The following PCDHGB4 variants were observed in gnomAD, a reference collection of about 807,000 sequenced individuals.
PCDHGB4 encodes protocadherin gamma subfamily B, 4, also known as protocadherin gamma-B4.
PCDHGB4 carries 38 observed loss-of-function variants against 60.5 expected under a neutral mutation model. The ratio of observed to expected loss-of-function variants is 0.63; its 90% CI spans 0.48 to 0.82. The LOEUF is 0.82. Among genes scored for constraint, PCDHGB4 ranks in the 40% least tolerant of loss-of-function variants. PCDHGB4 has a pLI of 0.00. For missense variants in PCDHGB4, 1,109 were observed against 1,209.6 expected (o/e 0.92, Z 1.23); for synonymous variants, 456 against 509.7 (o/e 0.89, Z 1.42).
In PCDHGB4 at chr5:141,431,155, C is replaced by T; in HGVS notation, c.2397+40874C>T. On this transcript the variant is annotated intron_variant, in intron 1 of 3. Transcript: ENST00000519479. This position sits in a 1 kb window ranked among gnomAD's most constrained non-coding sequence, Gnocchi z 4.8. ...GGGACATTAACGACAATGCGCCTTA[C>T]TTTCGTGAAAGTGAATTAGAAATAA... is the stretch of plus-strand genomic sequence containing the variant. 6.2e-7 allele frequency: 1 copy of T among 1,614,212 alleles called. No homozygotes were observed. Among genetic ancestry groups the T allele is most frequent in the Non-Finnish European group, 8.5e-7 (1 of 1,180,032 alleles).
intron 1 of PCDHGB4, among the ~76,000 whole-genome samples, chr5:141,454,266 C>T (rs2098785508): frequency 1.3e-5 from 2 of 152,132 alleles, no homozygotes; most frequent in African/African-American, 4.8e-5. Flanking sequence ...AAAGTAATGC[C>T]AGCAAAAACT....
chr5:141,428,773 T>C (rs1036838681), intron 1 of PCDHGB4: 1 of 154,174 alleles, frequency 6.5e-6, no homozygotes, highest in Admixed American at 6.4e-5. Context: ...CCACTCTTAA[T>C]ATTTCCTGTT....
At chr5:141,403,403 C>T in intron 1 of PCDHGB4, 5 of 1,614,066 alleles carry the variant, frequency 3.1e-6, no homozygotes, top group Non-Finnish European at 4.2e-6. Context: ...TCCTGGAGCA[C>T]GTTATCCACT....
chr5:141,492,396 A>G (rs1400291073), intron 1 of PCDHGB4, among the ~76,000 whole-genome samples: 1 of 152,188 alleles, frequency 6.6e-6, no homozygotes, highest in Non-Finnish European at 1.5e-5. Flanking sequence ...GTCCACTCGC[A>G]GCTCCCCTCT....
At chr5:141,421,619 C>G in intron 1 of PCDHGB4, 1 of 1,613,694 alleles carries the variant, frequency 6.2e-7, no homozygotes, top group Non-Finnish European at 8.5e-7. Flanking sequence ...AATGATAACG[C>G]CCCCAGCTTC....
chr5:141,423,437 C>CACGT (rs766166209), intron 1 of PCDHGB4: 1 of 1,613,952 alleles, frequency 6.2e-7, no homozygotes, highest in Non-Finnish European at 8.5e-7. Context: ...GCAGGTATGC[C>CACGT]CACGTCACAT....
intron 1 of PCDHGB4, chr5:141,404,332 C>T (rs1257075931): frequency 6.2e-7 from 1 of 1,613,916 alleles, no homozygotes; most frequent in East Asian, 2.2e-5. Context: ...ACTCAGTCTA[C>T]CTCCCGGAAA....
chr5:141,418,712 G>A (rs1431536945), intron 1 of PCDHGB4: 1 of 1,613,976 alleles, frequency 6.2e-7, no homozygotes, highest in African/African-American at 1.3e-5. Context: ...CTTTGGTGTG[G>A]CTGACAAAGC....
intron 1 of PCDHGB4, chr5:141,399,866 C>G (rs1312435366): frequency 1.1e-5 from 17 of 1,612,854 alleles, no homozygotes; most frequent in Non-Finnish European, 1.4e-5. Context: ...GCTGCAGAGC[C>G]CGGCTACCTG....
At chr5:141,399,557 TG>T in intron 1 of PCDHGB4, 1 of 1,613,968 alleles carries the variant, frequency 6.2e-7, no homozygotes, top group Non-Finnish European at 8.5e-7. Context: ...GACCTGGACT[TG>T]GGGTTGAACG....
In PCDHGB4 at chr5:141,431,494, C is replaced by A; in HGVS notation, c.2397+41213C>A. 6.2e-7 allele frequency: 1 copy of A among 1,613,956 alleles called. No homozygotes were observed. Among genetic ancestry groups the A allele is most frequent in the Middle Eastern group, 1.6e-4 (1 of 6,062 alleles). On this transcript the variant is annotated intron_variant, in intron 1 of 3. Coordinates refer to ENST00000519479, the MANE Select transcript of PCDHGB4 (RefSeq NM_003736.4). This position sits in a 1 kb window ranked among gnomAD's most constrained non-coding sequence, Gnocchi z 4.8. Reference sequence around the variant, plus strand: ...ACAACGCACCAGCGTTTGCTCAGCCCGAGTACCGCGCGAGCGTTCCGGAGA... The same window carrying A: ...ACAACGCACCAGCGTTTGCTCAGCCAGAGTACCGCGCGAGCGTTCCGGAGA...
At chr5:141,393,023 T>C (rs372159245) in intron 1 of PCDHGB4, 52 of 1,613,550 alleles carry the variant, frequency 3.2e-5, no homozygotes, top group Non-Finnish European at 4.3e-5. Flanking sequence ...TCTCCAGAGG[T>C]AGGACGCAGC....
In PCDHGB4 at chr5:141,432,867, T is replaced by C; in HGVS notation, c.2397+42586T>C. ...GTAGCGGTGGCCGCGGTCTCCTGCG[T>C]CTTCCTGGCCTTCGTCATCTTGCTG... On this transcript the variant is annotated intron_variant, in intron 1 of 3. Coordinates refer to ENST00000519479, the MANE Select transcript of PCDHGB4 (RefSeq NM_003736.4). The surrounding 1 kb of genome is among the most constrained non-coding windows in gnomAD (Gnocchi z 6.0). 2 of 1,614,182 alleles carry C rather than the reference T, an allele frequency of 1.2e-6. No individual in the cohort carries two copies. The highest frequency in any genetic ancestry group is 1.7e-6 in the Non-Finnish European group (2 of 1,180,010).
intron 1 of PCDHGB4, chr5:141,405,312 A>G: frequency 1.2e-6 from 2 of 1,614,208 alleles, no homozygotes; most frequent in Non-Finnish European, 8.5e-7. Context: ...AGCTGTGAGA[A>G]AAATGAGCCT....
intron 1 of PCDHGB4, chr5:141,478,117 C>G (rs1419172538): frequency 1.3e-5 from 21 of 1,614,058 alleles, no homozygotes; most frequent in Non-Finnish European, 1.7e-5. Context: ...TGTCAGTAAC[C>G]GAGGACTCTC....
In PCDHGB4 at chr5:141,487,260, C is replaced by T; in HGVS notation, c.2398-7547C>T. 6.2e-7 allele frequency: 1 copy of T among 1,614,116 alleles called. No homozygotes were observed. The highest frequency in any genetic ancestry group is 1.1e-5 in the South Asian group (1 of 91,080). On this transcript the variant is annotated intron_variant, in intron 1 of 3. Coordinates refer to ENST00000519479, the MANE Select transcript of PCDHGB4 (RefSeq NM_003736.4). The surrounding 1 kb of genome is among the most constrained non-coding windows in gnomAD (Gnocchi z 5.0). ...CGTCTAACCCTCTACTTGGCTGTGT[C>T]CCTAGTGGCAATTTGCTTTGTCTCC...
chr5:141,433,064 A>T, intron 1 of PCDHGB4: 1 of 1,614,064 alleles, frequency 6.2e-7, no homozygotes, highest in Non-Finnish European at 8.5e-7. Context: ...GAGTCACCTG[A>T]TCTTCCCCCA....
chr5:141,449,944 T>C (rs1375717746), intron 1 of PCDHGB4, among the ~76,000 whole-genome samples: 1 of 151,744 alleles, frequency 6.6e-6, no homozygotes, highest in Non-Finnish European at 1.5e-5. Flanking sequence ...TATATTTTAC[T>C]ATACCTCATA....
In PCDHGB4 at chr5:141,388,860, A is replaced by T. The variant is rs781769294; in HGVS notation, c.976A>T (p.Ile326Phe). 1.2e-6 allele frequency: 2 copies of T among 1,613,902 alleles called. No homozygotes were observed. Among genetic ancestry groups the T allele is most frequent in the South Asian group, 2.2e-5 (2 of 91,088 alleles). Reference sequence around the variant, plus strand: ...GGAAGCAAGGGACGGTGGAGGAATGATTGCGCAATGCACAGTGGAGGTAGA... The same window carrying T: ...GGAAGCAAGGGACGGTGGAGGAATGTTTGCGCAATGCACAGTGGAGGTAGA... Reference protein sequence around the residue: ...VLEARDGGGMIAQCTVEVEVI... With the variant: ...VLEARDGGGMFAQCTVEVEVI... The change falls in exon 1 of 4, where the codon ATT becomes TTT. Residue 326 changes from isoleucine to phenylalanine, a missense_variant. Ile to Phe is a conservative substitution (Grantham distance 21). Coordinates refer to ENST00000519479, the MANE Select transcript of PCDHGB4 (RefSeq NM_003736.4).
Sources: gnomAD v4.1 joint callset for allele counts (sites outside exome capture counted in the v4.1 genomes callset) on GRCh38, gnomAD v4.1.1 for gene constraint, Gnocchi (gnomAD v3.1) non-coding constraint, MANE v1.5 for transcripts, NCBI Gene and HGNC (gene_info 2026-07-23, HGNC 2026-07-21) for gene names.